The following ROBO1 variants were observed in gnomAD, a reference collection of about 807,000 sequenced individuals.
The protein encoded by ROBO1 is roundabout homolog 1.
In ROBO1, 149 loss-of-function variants were observed where a neutral mutation model predicts 195.9. The observed-to-expected ratio is 0.76, with a 90% CI of 0.67 to 0.87. The LOEUF (loss-of-function observed/expected upper bound fraction) is 0.87, where lower values mean the gene tolerates loss of function less well. ROBO1 is among the 40% of genes least tolerant of loss of function. The probability of loss-of-function intolerance (pLI) is 0.00; values close to 1 mark genes in which losing one functional copy is unlikely to be tolerated. For synonymous variants in ROBO1, 816 were observed against 733.2 expected (o/e 1.11, Z -1.82); for missense variants, 1,933 against 2,068.3 (o/e 0.93, Z 1.27).
intron 4 of ROBO1, among the ~76,000 whole-genome samples, chr3:78,924,362 C>CTA (rs3040515): frequency 0.3 from 46,102 of 151,736 alleles, 7,141 homozygotes; most frequent in Middle Eastern, 0.33. Flanking sequence ...GAAAAATAAT[C>CTA]TATAATAACA....
intron 2 of ROBO1, among the ~76,000 whole-genome samples, chr3:79,583,792 G>A (rs1943732105): frequency 1.3e-5 from 2 of 151,914 alleles, no homozygotes; most frequent in South Asian, 4.1e-4. Context: ...AACTATGCAA[G>A]TAATTTTAAC....
At chr3:78,931,236 C>CTTTTTTTTTTTTT (rs71127369) in intron 4 of ROBO1, among the ~76,000 whole-genome samples, 80 of 79,198 alleles carry the variant, frequency 1.0e-3, no homozygotes, top group East Asian at 3.2e-3. Context: ...TTCTTTCTTT[C>CTTTTTTTTTTTTT]TTTTTTTTTT....
At chr3:79,464,493 G>C (rs1255045519) in intron 2 of ROBO1, among the ~76,000 whole-genome samples, 1 of 152,034 alleles carries the variant, frequency 6.6e-6, no homozygotes, top group Non-Finnish European at 1.5e-5. Flanking sequence ...GTTTGGGTTT[G>C]GAATTGCAAT....
intron 3 of ROBO1, among the ~76,000 whole-genome samples, chr3:78,961,405 T>C (rs1049771364): frequency 6.6e-6 from 1 of 152,200 alleles, no homozygotes; most frequent in African/African-American, 2.4e-5. Context: ...TGTTTAAGAA[T>C]AGTAAGAACA....
At chr3:79,667,462 C>T (rs1401176323) in intron 1 of ROBO1, among the ~76,000 whole-genome samples, 1 of 151,602 alleles carries the variant, frequency 6.6e-6, no homozygotes, top group Non-Finnish European at 1.5e-5. Flanking sequence ...GTAAAAATGA[C>T]CCATACACAG....
At chr3:79,301,413 T>G (rs1454403329) in intron 2 of ROBO1, among the ~76,000 whole-genome samples, 1 of 152,192 alleles carries the variant, frequency 6.6e-6, no homozygotes, top group East Asian at 1.9e-4. Context: ...ACAGACCACC[T>G]CCTATGAAAA....
At chr3:78,648,674 C>G (rs1706453031) in intron 19 of ROBO1, among the ~76,000 whole-genome samples, 2 of 147,676 alleles carry the variant, frequency 1.4e-5, no homozygotes, top group Non-Finnish European at 3.0e-5. Flanking sequence ...GTAAACGCTG[C>G]TCTGGTTAAA....
At chr3:79,390,944 C>T (rs992755635) in intron 2 of ROBO1, among the ~76,000 whole-genome samples, 14 of 151,918 alleles carry the variant, frequency 9.2e-5, no homozygotes, top group Admixed American at 3.9e-4. Flanking sequence ...GAAAGAAGAA[C>T]GCTTTAAGAA....
chr3:79,525,373 T>C (rs1276901875), intron 2 of ROBO1, among the ~76,000 whole-genome samples: 3 of 149,706 alleles, frequency 2.0e-5, no homozygotes, highest in Non-Finnish European at 4.4e-5. Flanking sequence ...CTGATTGTTA[T>C]TGAAAATATT....
At chr3:78,955,731 T>C (rs1361664136) in intron 3 of ROBO1, among the ~76,000 whole-genome samples, 1 of 152,204 alleles carries the variant, frequency 6.6e-6, no homozygotes, top group Non-Finnish European at 1.5e-5. Flanking sequence ...GTCTGCAAGA[T>C]AGCATATGGG....
chr3:78,671,595 T>TAA (rs550299173), intron 10 of ROBO1, among the ~76,000 whole-genome samples: 4 of 136,378 alleles, frequency 2.9e-5, no homozygotes, highest in African/African-American at 8.1e-5. Flanking sequence ...GCATGCAAAC[T>TAA]AAAAAAAAAA....
At chr3:79,035,729 TA>T (rs778129211) in intron 3 of ROBO1, among the ~76,000 whole-genome samples, 5,263 of 135,752 alleles carry the variant, frequency 0.039, 122 homozygotes, top group African/African-American at 0.073. Flanking sequence ...AGACTTTATC[TA>T]AAAAAAAAAA....
At chr3:79,385,131 A>C (rs565137783) in intron 2 of ROBO1, among the ~76,000 whole-genome samples, 263 of 151,794 alleles carry the variant, frequency 1.7e-3, no homozygotes, top group African/African-American at 6.1e-3. Flanking sequence ...TGTCTCAAAT[A>C]TGAATGAGAA....
intron 4 of ROBO1, among the ~76,000 whole-genome samples, chr3:78,840,295 T>C (rs1324289081): frequency 6.6e-6 from 1 of 152,158 alleles, no homozygotes; most frequent in Admixed American, 6.5e-5. Flanking sequence ...CACCTTCATA[T>C]GAAACAAACA....
rs542351736 is a variant in ROBO1 at position 79,074,719 on chromosome 3, G to A, written c.172+50737C>T. Reference sequence around the variant, plus strand: ...ATTGGGATTACAGGGATGGGCCATTGCACCTGGGAACATATGCTTTTTTAT... The same window carrying A: ...ATTGGGATTACAGGGATGGGCCATTACACCTGGGAACATATGCTTTTTTAT... On this transcript the variant is annotated intron_variant, in intron 3 of 30. Coordinates refer to ENST00000464233, the MANE Select transcript of ROBO1 (RefSeq NM_002941.4). Among the ~76,000 whole-genome samples the A allele has an allele frequency of 4.6e-5, 7 of 151,768 alleles. No homozygotes were observed. The South Asian group carries it at 1.5e-3, about 32-fold the overall frequency.
chr3:78,995,513 C>T (rs2077341440), intron 3 of ROBO1, among the ~76,000 whole-genome samples: 1 of 152,020 alleles, frequency 6.6e-6, no homozygotes. Context: ...TATAGCCCGT[C>T]GATCGGGAGC....
In ROBO1 at chr3:79,231,618, T is replaced by C. The variant is rs1415368308; in HGVS notation, c.89-106079A>G. Among the ~76,000 whole-genome samples, 8 of 152,162 alleles carry C rather than the reference T, an allele frequency of 5.3e-5. No individual in the cohort carries two copies. The East Asian group carries it at 5.8e-4, about 11-fold the overall frequency. On this transcript the variant is annotated intron_variant, in intron 2 of 30. Coordinates refer to ENST00000464233, the MANE Select transcript of ROBO1 (RefSeq NM_002941.4). ...AATGCTTATACACTGTTGGTGGGAATGTAAATTAGTTCAACAATTGTAGAA... is the reference window on the plus strand; with the variant it reads ...AATGCTTATACACTGTTGGTGGGAACGTAAATTAGTTCAACAATTGTAGAA...
At chr3:79,370,478 G>T (rs913158786) in intron 2 of ROBO1, among the ~76,000 whole-genome samples, 8 of 151,946 alleles carry the variant, frequency 5.3e-5, no homozygotes, top group Non-Finnish European at 8.8e-5. Flanking sequence ...CAACATCCGT[G>T]TGTTTCTGAT....
In ROBO1 at chr3:79,753,290, T is replaced by A. The variant is rs894573845; in HGVS notation, c.-51+14462A>T. Reference sequence around the variant, plus strand: ...GGGGTGCAAACTGGATACTGGGATTTAAAAAAAAAAAAACTTTCCCAGATG... The same window carrying A: ...GGGGTGCAAACTGGATACTGGGATTAAAAAAAAAAAAAACTTTCCCAGATG... On this transcript the variant is annotated intron_variant, in intron 1 of 30. Transcript: ENST00000464233. Among the ~76,000 whole-genome samples the A allele has an allele frequency of 4.1e-5, 6 of 145,556 alleles. No homozygotes were observed. The East Asian group carries it at 6.0e-4, about 14-fold the overall frequency.
Sources: allele counts gnomAD v4.1 joint callset (sites outside exome capture counted in the v4.1 genomes callset), GRCh38; gene constraint gnomAD v4.1.1; transcripts MANE v1.5; gene names NCBI Gene and HGNC (gene_info 2026-07-23, HGNC 2026-07-21).